The following DOCK4 variants were observed in gnomAD, a reference collection of about 807,000 sequenced individuals.
DOCK4 encodes the protein dedicator of cytokinesis 4.
DOCK4 carries 97 observed loss-of-function variants against 268.1 expected under a neutral mutation model. The ratio of observed to expected loss-of-function variants is 0.36; its 90% confidence interval spans 0.31 to 0.43. The LOEUF (loss-of-function observed/expected upper bound fraction) is 0.43. DOCK4 is among the 20% of genes least tolerant of loss of function. The probability of loss-of-function intolerance (pLI) is 1.00; values close to 1 mark genes in which losing one functional copy is unlikely to be tolerated. For synonymous variants in DOCK4, 954 were observed against 887.2 expected (o/e 1.08, Z -1.34); for missense variants, 2,145 against 2,455.7 (o/e 0.87, Z 2.67).
chr7:111,847,156 T>TATGTTTTTG, intron 23 of DOCK4, 30 bp from the exon 24 acceptor site: 1 of 1,612,594 alleles, frequency 6.2e-7, no homozygotes. Flanking sequence ...TAGTGTCACA[T>TATGTTTTTG]CTGTTGGAGT....
At chr7:111,855,007 A>C (rs1804884695) in intron 23 of DOCK4, among the ~76,000 whole-genome samples, 1 of 152,214 alleles carries the variant, frequency 6.6e-6, no homozygotes, top group Admixed American at 6.5e-5. Context: ...AAAATGAGAG[A>C]CTAAACCATG....
rs553291511 is a variant in DOCK4, at chr7:111,907,451, A to T, written c.1193-5650T>A. On this transcript the variant is annotated intron_variant, in intron 13 of 52. Transcript: ENST00000428084. ...GGAGATCTGGCAGCCCGTTGGGGGAACTCCTATACTCTTGGGGCAGTGGGG... is the reference window on the plus strand; with the variant it reads ...GGAGATCTGGCAGCCCGTTGGGGGATCTCCTATACTCTTGGGGCAGTGGGG... Among the ~76,000 whole-genome samples the T allele has an allele frequency of 4.2e-5, 5 of 118,320 alleles. No homozygotes were observed. In the East Asian group the frequency reaches 1.1e-3, roughly 26 times the overall value. 77.6% of individuals were successfully genotyped at this position (118,320 alleles called of 152,430 possible).
chr7:111,739,126 A>G lies in DOCK4; in HGVS notation c.5232+8T>C. ...TGTTTTCTAGTTTCTCTACCCTACA[A>G]GGAGTACCTGCGAAGGCTCCACAGG... On this transcript the variant is annotated splice_region_variant and intron_variant, in intron 49 of 52. Coordinates refer to ENST00000428084, the MANE Select transcript of DOCK4 (RefSeq NM_001363540.2). The G allele has an allele frequency of 6.2e-7, 1 of 1,607,180 alleles. No homozygotes were observed. Among genetic ancestry groups the G allele is most frequent in the Non-Finnish European group, 8.5e-7 (1 of 1,173,818 alleles).
intron 1 of DOCK4, among the ~76,000 whole-genome samples, chr7:112,135,391 AC>A (rs1586896735): frequency 1.3e-5 from 2 of 151,242 alleles, no homozygotes; most frequent in Admixed American, 6.6e-5. Context: ...CTGATGCAGT[AC>A]CATACACACT....
At chr7:111,779,884 CA>C (rs1323089370) in intron 35 of DOCK4, among the ~76,000 whole-genome samples, 2 of 152,180 alleles carry the variant, frequency 1.3e-5, no homozygotes, top group African/African-American at 4.8e-5. Context: ...AATCATTGTG[CA>C]TTATGAAATC....
chr7:111,863,643 G>A, intron 22 of DOCK4, 79 bp from the exon 23 acceptor site: 1 of 1,392,478 alleles, frequency 7.2e-7, no homozygotes, highest in Non-Finnish European at 9.6e-7. Context: ...TGAGTTTAAG[G>A]ACCGTGGCAA....
rs60667093 is a variant in DOCK4, at chr7:111,991,961, CAAAAAAAAAAA to C, written c.315+2163_315+2173del. On this transcript the variant is annotated intron_variant, in intron 5 of 52. Transcript: ENST00000428084. The stretch of plus-strand genomic sequence containing the variant: ...GGGCAACAGAGAGAGACTCTGTCTC[CAAAAAAAAAAA>C]AAAAAAAAAAAAAAAAGTGCCTGGC... Among the ~76,000 whole-genome samples, 25 of 50,920 alleles carry C rather than the reference CAAAAAAAAAAA, an allele frequency of 4.9e-4. No individual in the cohort carries two copies. In the South Asian group the frequency reaches 0.023, roughly 47 times the overall value. 33.4% of individuals were successfully genotyped at this position (50,920 alleles called of 152,430 possible).
chr7:111,868,092 A>T lies in DOCK4; in HGVS notation c.2172T>A (p.Gly724=). 1 of 1,613,534 alleles carries T rather than the reference A, an allele frequency of 6.2e-7. No individual in the cohort carries two copies. Among genetic ancestry groups the T allele is most frequent in the South Asian group, 1.1e-5 (1 of 90,986 alleles). ...QSRRLFSLAT[G]GQNEEEFRCC... is the part of the protein sequence containing the mutation. ...AGCGGAACTCCTCTTCGTTTTGCCCACCAGTGGCAAGGGAAAACAGCCTTC... is the reference window on the plus strand; with the variant it reads ...AGCGGAACTCCTCTTCGTTTTGCCCTCCAGTGGCAAGGGAAAACAGCCTTC... The change falls in exon 22 of 53, where the codon GGT becomes GGA. Residue 724 remains glycine, a synonymous_variant. Transcript: ENST00000428084.
intron 38 of DOCK4, among the ~76,000 whole-genome samples, chr7:111,766,691 G>T (rs1158840354): frequency 2.0e-5 from 3 of 152,164 alleles, no homozygotes; most frequent in African/African-American, 7.2e-5. Flanking sequence ...CAGATTATGG[G>T]ACTAAGAATG....
chr7:111,736,926 G>A lies in DOCK4; in HGVS notation c.5296C>T (p.Pro1766Ser), dbSNP rs1318157946. 4.4e-6 allele frequency: 7 copies of A among 1,601,504 alleles called. No homozygotes were observed. Among genetic ancestry groups the A allele is most frequent in the Non-Finnish European group, 6.0e-6 (7 of 1,173,800 alleles). Residue 1766 changes from proline to serine, a missense_variant, in exon 50 of 53, where the codon CCT (proline) becomes TCT (serine). Transcript: ENST00000428084. ...LPRSDPNLSAPEKAVNPTPSS... is the reference protein window; with the variant it reads ...LPRSDPNLSASEKAVNPTPSS... ...ATGGGGCTGGCCTTACCTTTTTCAG[G>A]TGCAGAGAGATTTGGGTCACTGCGT... is the stretch of plus-strand genomic sequence containing the variant.
At chr7:111,753,005 T>TGGAG (rs1554581789) in intron 42 of DOCK4, among the ~76,000 whole-genome samples, 1 of 105,166 alleles carries the variant, frequency 9.5e-6, no homozygotes, top group African/African-American at 3.6e-5. Context: ...GATAAGCTAT[T>TGGAG]GGGGGGGGGG....
chr7:112,147,122 A>G (rs572734253), intron 1 of DOCK4, among the ~76,000 whole-genome samples: 27 of 152,254 alleles, frequency 1.8e-4, no homozygotes, highest in African/African-American at 6.0e-4. Flanking sequence ...CAGTTCTTAT[A>G]TAATAATGTT....
At chr7:111,999,010 A>G (rs1800203156) in intron 3 of DOCK4, among the ~76,000 whole-genome samples, 1 of 152,166 alleles carries the variant, frequency 6.6e-6, no homozygotes, top group Admixed American at 6.6e-5. Flanking sequence ...CAACTCAGCA[A>G]CAGTTAATCA....
chr7:112,156,374 T>C (rs2214433), intron 1 of DOCK4, among the ~76,000 whole-genome samples: 104,907 of 152,110 alleles, frequency 0.69, 36,474 homozygotes, highest in East Asian at 0.85. Context: ...TTAGAAGTAA[T>C]GAAAAGAAAA....
chr7:111,894,396 C>A (rs1024584868), intron 16 of DOCK4, among the ~76,000 whole-genome samples: 2 of 152,044 alleles, frequency 1.3e-5, no homozygotes, highest in African/African-American at 2.4e-5. Context: ...TCTCGAGGGG[C>A]TCATAAATCT....
intron 12 of DOCK4, among the ~76,000 whole-genome samples, chr7:111,933,358 G>C (rs373777657): frequency 7.0e-6 from 1 of 143,580 alleles, no homozygotes; most frequent in East Asian, 2.1e-4. Context: ...GCAGTGGTGC[G>C]ATCTTGGCTC....
At chr7:112,185,694 A>G (rs1247130434) in intron 1 of DOCK4, among the ~76,000 whole-genome samples, 1 of 152,224 alleles carries the variant, frequency 6.6e-6, no homozygotes, top group East Asian at 1.9e-4. Flanking sequence ...CAATGGTGTT[A>G]TAATTAGCTC....
chr7:112,158,118 T>A (rs1329118942), intron 1 of DOCK4, among the ~76,000 whole-genome samples: 1 of 152,222 alleles, frequency 6.6e-6, no homozygotes, highest in African/African-American at 2.4e-5. Context: ...TAAACTTGTA[T>A]CAGAATCACT....
chr7:111,969,297 C>T (rs1236861471), intron 8 of DOCK4, among the ~76,000 whole-genome samples: 1 of 150,954 alleles, frequency 6.6e-6, no homozygotes, highest in Non-Finnish European at 1.5e-5. Context: ...GCTCCAGCTT[C>T]CAATTCTGTA....
Sources: allele counts gnomAD v4.1 joint callset (sites outside exome capture counted in the v4.1 genomes callset), GRCh38; gene constraint gnomAD v4.1.1; transcripts MANE v1.5; gene names NCBI Gene and HGNC (gene_info 2026-07-23, HGNC 2026-07-21).